Variants in WHRN observed in about 807,000 individuals in gnomAD.
WHRN encodes the protein whirlin, also known as CASK-interacting protein CIP98.
Under a neutral mutation model 68.3 loss-of-function variants are expected in WHRN, and 41 were observed. The ratio of observed to expected loss-of-function variants is 0.60; its 90% CI spans 0.47 to 0.78. WHRN has a LOEUF of 0.78. Among genes scored for constraint, WHRN ranks in the 30% least tolerant of loss-of-function variants. The pLI, the probability that WHRN is intolerant of heterozygous loss-of-function variation, is 0.00. For synonymous variants in WHRN, 560 were observed against 561.3 expected, an observed-to-expected ratio of 1.00 and a Z score of 0.03; for missense variants, 1,243 against 1,244.7, an observed-to-expected ratio of 1.00 and a Z score of 0.02.
At chr9:114,485,654 T>C (rs1842420448) in intron 1 of WHRN, among the ~76,000 whole-genome samples, 1 of 152,054 alleles carries the variant, frequency 6.6e-6, no homozygotes, top group Non-Finnish European at 1.5e-5. Context: ...ATTGCACCAC[T>C]GCACTACAGC....
At chr9:114,460,007 G>A (rs10759707) in intron 3 of WHRN, among the ~76,000 whole-genome samples, 55,950 of 151,950 alleles carry the variant, frequency 0.37, 11,731 homozygotes, top group African/African-American at 0.57. Context: ...CTGTTCCAAG[G>A]AGCCTCAGCC....
At chr9:114,462,330 C>T (rs1309270548) in intron 3 of WHRN, among the ~76,000 whole-genome samples, 1 of 152,134 alleles carries the variant, frequency 6.6e-6, no homozygotes, top group Non-Finnish European at 1.5e-5. Flanking sequence ...AAAATTTTTG[C>T]TCTATGTAAA....
intron 1 of WHRN, among the ~76,000 whole-genome samples, chr9:114,497,139 C>T (rs902442242): frequency 6.6e-6 from 1 of 152,212 alleles, no homozygotes; most frequent in Admixed American, 6.5e-5. Context: ...TTACTCTGTT[C>T]TTCCCTGCAG....
intron 2 of WHRN, among the ~76,000 whole-genome samples, chr9:114,469,293 T>C (rs1840990955): frequency 1.3e-5 from 2 of 151,990 alleles, no homozygotes; most frequent in South Asian, 4.2e-4. Flanking sequence ...TGAGCCAGGC[T>C]GGAGTTCCAT....
intron 1 of WHRN, among the ~76,000 whole-genome samples, chr9:114,501,873 T>A (rs924724338): frequency 2.4e-4 from 37 of 152,210 alleles, no homozygotes; most frequent in African/African-American, 8.7e-4. Flanking sequence ...TTAAGGGCAG[T>A]CTGTGCCTAG....
intron 2 of WHRN, among the ~76,000 whole-genome samples, chr9:114,473,354 G>A (rs900324654): frequency 6.6e-6 from 1 of 152,194 alleles, no homozygotes; most frequent in African/African-American, 2.4e-5. Context: ...CTCCTGGATG[G>A]AGCCACCACT....
At chr9:114,485,978 C>A (rs1461287827) in intron 1 of WHRN, among the ~76,000 whole-genome samples, 3 of 152,128 alleles carry the variant, frequency 2.0e-5, no homozygotes, top group Admixed American at 1.3e-4. Context: ...CGAGCCACTG[C>A]ACTCCAGCTG....
At chr9:114,467,515 C>T (rs1185963686) in intron 2 of WHRN, among the ~76,000 whole-genome samples, 5 of 148,564 alleles carry the variant, frequency 3.4e-5, no homozygotes, top group South Asian at 2.1e-4. Context: ...AGTCAGCCGG[C>T]GGGGGGGAAG....
At chr9:114,407,582 C>T (rs188401894) in intron 8 of WHRN, among the ~76,000 whole-genome samples, 9 of 152,322 alleles carry the variant, frequency 5.9e-5, no homozygotes, top group African/African-American at 2.2e-4. Flanking sequence ...ATCCTAAAGG[C>T]TTTACTTAAT....
intron 7 of WHRN, among the ~76,000 whole-genome samples, chr9:114,415,037 C>T (rs1564124278): frequency 2.0e-5 from 3 of 152,298 alleles, no homozygotes; most frequent in African/African-American, 4.8e-5. Context: ...TGGCTCACAC[C>T]TGTAATCCTA....
chr9:114,407,814 G>GGCC, intron 8 of WHRN, 133 bp downstream of exon 8: 1 of 743,786 alleles, frequency 1.3e-6, no homozygotes, highest in Non-Finnish European at 2.4e-6. Context: ...CTGGGTGTGA[G>GGCC]AGCTCATGGC....
intron 1 of WHRN, among the ~76,000 whole-genome samples, chr9:114,496,367 G>A (rs73555443): frequency 0.058 from 8,815 of 152,196 alleles, 873 homozygotes; most frequent in African/African-American, 0.2. Flanking sequence ...CAAAAATGCC[G>A]ATGCCAAAAG....
At chr9:114,498,846 G>A (rs909974320) in intron 1 of WHRN, among the ~76,000 whole-genome samples, 11 of 149,920 alleles carry the variant, frequency 7.3e-5, no homozygotes, top group Admixed American at 5.3e-4. Flanking sequence ...GACCCTCCTC[G>A]CCTGCCTGCC....
intron 3 of WHRN, among the ~76,000 whole-genome samples, chr9:114,447,027 T>C (rs1457668396): frequency 6.6e-6 from 1 of 152,036 alleles, no homozygotes; most frequent in Non-Finnish European, 1.5e-5. Context: ...CTTCCTTCAC[T>C]TCTCTGCCTG....
chr9:114,504,396 C>T lies in WHRN; in HGVS notation c.406G>A (p.Gly136Arg), dbSNP rs775689658. 3 of 1,605,934 alleles carry T rather than the reference C, an allele frequency of 1.9e-6. No individual in the cohort carries two copies. In the Admixed American group the frequency reaches 5.0e-5, roughly 27 times the overall value. ...AWGGPDSAGP[G>R]EVRLVSLRRA... ...CGCAAACTCACCAGGCGCACCTCCC[C>T]TGGCCCCGCGCTGTCGGGGCCGCCC... Residue 136 changes from glycine to arginine, a missense_variant, in exon 1 of 12, where the codon GGG becomes AGG. Coordinates refer to ENST00000362057, the MANE Select transcript of WHRN (RefSeq NM_015404.4).
chr9:114,420,756 C>T (rs1334597042), intron 7 of WHRN, among the ~76,000 whole-genome samples: 3 of 152,064 alleles, frequency 2.0e-5, no homozygotes, highest in East Asian at 1.9e-4. Context: ...CCAAAAGAAC[C>T]GAGGCTTCAC....
intron 7 of WHRN, among the ~76,000 whole-genome samples, chr9:114,416,233 T>G (rs1031053684): frequency 1.3e-5 from 2 of 152,226 alleles, no homozygotes; most frequent in African/African-American, 2.4e-5. Flanking sequence ...GGAAAAAGCC[T>G]GAGGTCAAGT....
intron 9 of WHRN, 121 bp from the exon 10 acceptor site, chr9:114,404,198 G>T (rs1329490084): frequency 2.7e-6 from 3 of 1,106,960 alleles, no homozygotes; most frequent in Non-Finnish European, 2.6e-6. Context: ...CAAAGATGGG[G>T]GAAGGAATGA....
chr9:114,428,198 C>T (rs561535975), intron 3 of WHRN, among the ~76,000 whole-genome samples: 10 of 152,022 alleles, frequency 6.6e-5, no homozygotes, highest in African/African-American at 1.5e-4. Context: ...CGAGGTGGTG[C>T]GCCTGTAGTC....
Sources: gnomAD v4.1 joint callset for allele counts (sites outside exome capture counted in the v4.1 genomes callset) on GRCh38, gnomAD v4.1.1 for gene constraint, MANE v1.5 for transcripts, NCBI Gene and HGNC (gene_info 2026-07-23, HGNC 2026-07-21) for gene names.